The following SLC44A3 variants were observed in gnomAD, a reference collection of about 807,000 sequenced individuals.
SLC44A3 encodes the protein choline transporter-like protein 3.
SLC44A3 carries 74 observed loss-of-function variants against 75.4 expected under a neutral mutation model. That is an observed-to-expected ratio of 0.98 (90% CI 0.81 to 1.19). SLC44A3 has a LOEUF of 1.19. Among genes scored for constraint, SLC44A3 ranks in the 50% most tolerant of loss-of-function variants. The probability of loss-of-function intolerance (pLI) is 0.00; values close to 1 mark genes in which losing one functional copy is unlikely to be tolerated. For missense variants in SLC44A3, 700 were observed against 778.6 expected (o/e 0.90, Z 1.20); for synonymous variants, 310 against 296.9 (o/e 1.04, Z -0.45).
At chr1:94,856,658 T>C (rs530515404) in intron 9 of SLC44A3, among the ~76,000 whole-genome samples, 10 of 152,312 alleles carry the variant, frequency 6.6e-5, no homozygotes, top group African/African-American at 2.4e-4. Context: ...TAGAGTCCCA[T>C]GTGTTTAGGT....
chr1:94,894,844 A>G lies in SLC44A3; in HGVS notation c.1884A>G (p.Leu628=). ...FLSFVKRSNK[L]NNARAQQDKH... is the part of the protein sequence containing the mutation. ...GTTTCGTAAAAAGGAGCAACAAATTAAACAATGCAAGGGCACAGCAGGACA... is the reference window on the plus strand; with the variant it reads ...GTTTCGTAAAAAGGAGCAACAAATTGAACAATGCAAGGGCACAGCAGGACA... Residue 628 remains leucine (L), a synonymous_variant, in exon 15 of 15, where the codon TTA becomes TTG. Transcript: ENST00000271227. 2 of 1,611,810 alleles carry G rather than the reference A, an allele frequency of 1.2e-6. No homozygotes were observed. Among genetic ancestry groups the G allele is most frequent in the Non-Finnish European group, 1.7e-6 (2 of 1,178,640 alleles).
In SLC44A3 at chr1:94,840,072, A is replaced by T. The variant is rs201670694; in HGVS notation, c.760+35A>T. The T allele has an allele frequency of 8.5e-5, 132 of 1,552,562 alleles. 1 individual carries two copies. Among genetic ancestry groups the T allele is most frequent in the Middle Eastern group, 3.4e-4 (2 of 5,964 alleles). On this transcript the variant is annotated intron_variant, in intron 7 of 14. Coordinates refer to ENST00000271227, the MANE Select transcript of SLC44A3 (RefSeq NM_001114106.3). ...TCTCTACTTGACTGATTTCTTTTCG[A>T]TTAAATGAAAAGCCTTTACATTAAG...
At chr1:94,857,013 G>A (rs1665960402) in intron 9 of SLC44A3, among the ~76,000 whole-genome samples, 1 of 152,154 alleles carries the variant, frequency 6.6e-6, no homozygotes, top group Admixed American at 6.5e-5. Context: ...TTACAGGCAT[G>A]AGCCACCACA....
chr1:94,876,600 A>G (rs1379406012), intron 12 of SLC44A3, among the ~76,000 whole-genome samples: 1 of 152,212 alleles, frequency 6.6e-6, no homozygotes, highest in Non-Finnish European at 1.5e-5. Flanking sequence ...GGCTGAAGGA[A>G]TACATGCCAC....
At chr1:94,834,615 G>A (rs369829479) in intron 5 of SLC44A3, among the ~76,000 whole-genome samples, 2 of 152,062 alleles carry the variant, frequency 1.3e-5, no homozygotes, top group Non-Finnish European at 2.9e-5. Flanking sequence ...CTCCCGAGTA[G>A]CTGGGATTAC....
Position 94,845,358 on chromosome 1 carries a change from C to T in SLC44A3, c.966C>T (p.Ala322=). Residue 322 remains alanine, a synonymous_variant, in exon 9 of 15, where the codon GCC becomes GCT. Coordinates refer to ENST00000271227, the MANE Select transcript of SLC44A3 (RefSeq NM_001114106.3). ...AGCTTTTCCAAATCACAAATAAAGCCATCAGCAGTGCTCCCTTCCTGCTGT... is the reference window on the plus strand; with the variant it reads ...AGCTTTTCCAAATCACAAATAAAGCTATCAGCAGTGCTCCCTTCCTGCTGT... ...TVELFQITNK[A]ISSAPFLLFQ... 6.2e-7 allele frequency: 1 copy of T among 1,614,060 alleles called. No homozygotes were observed. Among genetic ancestry groups the T allele is most frequent in the Non-Finnish European group, 8.5e-7 (1 of 1,180,010 alleles).
intron 9 of SLC44A3, 92 bp downstream of exon 9, chr1:94,845,556 C>A: frequency 7.9e-7 from 1 of 1,261,322 alleles, no homozygotes; most frequent in Non-Finnish European, 1.1e-6. Context: ...GGCACCTAAC[C>A]CCTCATTGAG....
At chr1:94,886,824 G>A (rs935320910) in intron 12 of SLC44A3, among the ~76,000 whole-genome samples, 12 of 152,146 alleles carry the variant, frequency 7.9e-5, no homozygotes, top group Non-Finnish European at 1.6e-4. Context: ...TGGATCCCAA[G>A]CAAGGGAGTG....
intron 10 of SLC44A3, among the ~76,000 whole-genome samples, chr1:94,859,124 T>C (rs1447776563): frequency 6.6e-6 from 1 of 152,192 alleles, no homozygotes; most frequent in East Asian, 1.9e-4. Flanking sequence ...TGTGTATTGC[T>C]TCCTCCCAGG....
intron 9 of SLC44A3, among the ~76,000 whole-genome samples, chr1:94,850,165 G>A (rs2101147687): frequency 6.6e-6 from 1 of 152,144 alleles, no homozygotes; most frequent in Admixed American, 6.5e-5. Flanking sequence ...TCATTCTTTT[G>A]ACTAGTTGAC....
intron 3 of SLC44A3, 170 bp from the exon 4 acceptor site, chr1:94,827,337 T>C: frequency 1.3e-6 from 1 of 761,566 alleles, no homozygotes; most frequent in Non-Finnish European, 2.1e-6. Flanking sequence ...CACAGCTTCA[T>C]GGATGACCAC....
At position 94,894,996 on chromosome 1, in the gene SLC44A3, C is replaced by G; in HGVS notation, c.*74C>G. 1 of 1,184,420 alleles carries G rather than the reference C, an allele frequency of 8.4e-7. No homozygotes were observed. The highest frequency in any genetic ancestry group is 1.6e-5 in the African/African-American group (1 of 64,220). 73.4% of individuals were successfully genotyped at this position (1,184,420 alleles called of 1,614,324 possible). ...ATTTACAGAATAGAAGATGAGACCA[C>G]TAGAGAAAAGTTAGTGAATTTTTTT... is the stretch of plus-strand genomic sequence containing the variant. On this transcript the variant is annotated 3_prime_UTR_variant, in exon 15 of 15. Transcript: ENST00000271227.
chr1:94,862,966 C>G (rs1207720213), intron 10 of SLC44A3, among the ~76,000 whole-genome samples: 1 of 152,106 alleles, frequency 6.6e-6, no homozygotes, highest in Admixed American at 6.5e-5. Flanking sequence ...AGGCACTAGC[C>G]CCACACACAG....
chr1:94,868,166 T>C (rs7537416), intron 12 of SLC44A3, among the ~76,000 whole-genome samples: 14,626 of 152,244 alleles, frequency 0.096, 921 homozygotes, highest in African/African-American at 0.17. Flanking sequence ...TGTATTTCTC[T>C]ATAGAGCATT....
At position 94,845,290 on chromosome 1, in the gene SLC44A3, G is replaced by T. The variant is rs148534623; in HGVS notation, c.898G>T (p.Val300Phe). 1 of 1,610,120 alleles carries T rather than the reference G, an allele frequency of 6.2e-7. No individual in the cohort carries two copies. The highest frequency in any genetic ancestry group is 2.2e-5 in the East Asian group (1 of 44,832). The change falls in exon 9 of 15, where the codon GTC becomes TTC. Residue 300 changes from valine to phenylalanine, a missense_variant. Val to Phe is a conservative substitution (Grantham distance 50). Transcript: ENST00000271227. ...VSTGITAVLLVLIFVLRKRIK... is the reference protein window; with the variant it reads ...VSTGITAVLLFLIFVLRKRIK... ...CCTTTCTCACCAGGCAGTGCTGCTC[G>T]TCTTGATTTTTGTTCTCAGAAAGAG...
chr1:94,847,160 A>C (rs1437138029), intron 9 of SLC44A3, among the ~76,000 whole-genome samples: 1 of 152,260 alleles, frequency 6.6e-6, no homozygotes, highest in African/African-American at 2.4e-5. Context: ...TCAAAACAAC[A>C]GTGGCTAAAG....
chr1:94,871,470 ACC>A (rs1445852849), intron 12 of SLC44A3, among the ~76,000 whole-genome samples: 1 of 152,042 alleles, frequency 6.6e-6, no homozygotes, highest in Non-Finnish European at 1.5e-5. Flanking sequence ...CTGGCTAAGA[ACC>A]CCACTGTGAG....
intron 7 of SLC44A3, among the ~76,000 whole-genome samples, chr1:94,841,587 G>A (rs1012131535): frequency 2.0e-5 from 3 of 152,206 alleles, no homozygotes; most frequent in African/African-American, 7.2e-5. Context: ...TTTTGTGGGT[G>A]AGCAGCCAAT....
chr1:94,827,010 T>G (rs925880060), intron 3 of SLC44A3, among the ~76,000 whole-genome samples: 1 of 152,168 alleles, frequency 6.6e-6, no homozygotes, highest in Non-Finnish European at 1.5e-5. Flanking sequence ...CTCCTGAGTG[T>G]CCTGGCTCTC....
Sources: gnomAD v4.1 joint callset for allele counts (sites outside exome capture counted in the v4.1 genomes callset) on GRCh38, gnomAD v4.1.1 for gene constraint, MANE v1.5 for transcripts, NCBI Gene and HGNC (gene_info 2026-07-23, HGNC 2026-07-21) for gene names.